Variants in CAST observed in about 807,000 individuals in gnomAD.
CAST encodes MIR583 host.
In CAST, 76 loss-of-function variants were observed where a neutral mutation model predicts 119.6. The ratio of observed to expected loss-of-function variants is 0.64; its 90% CI spans 0.53 to 0.77. CAST has a LOEUF of 0.77. Among genes scored for constraint, CAST ranks in the 30% least tolerant of loss-of-function variants. The pLI, the probability that CAST is intolerant of heterozygous loss-of-function variation, is 0.00. For missense variants in CAST, 953 were observed against 946.5 expected, an observed-to-expected ratio of 1.01 and a Z score of -0.09; for synonymous variants, 319 against 331.6, an observed-to-expected ratio of 0.96 and a Z score of 0.41.
the CAST span, among the ~76,000 whole-genome samples, chr5:96,205,214 C>T: frequency 6.6e-6 from 1 of 152,094 alleles, no homozygotes; most frequent in Non-Finnish European, 1.5e-5. Flanking sequence ...TTTTCAGCCT[C>T]TTTATGGTCT....
chr5:96,602,293 T>C (rs1282555369), intron 1 of CAST, among the ~76,000 whole-genome samples: 3 of 152,322 alleles, frequency 2.0e-5, no homozygotes, highest in African/African-American at 7.2e-5. Context: ...AATTTAACAT[T>C]TCACAAACCT....
chr5:96,559,726 C>T (rs1000711018), intron 1 of CAST, among the ~76,000 whole-genome samples: 2 of 152,184 alleles, frequency 1.3e-5, no homozygotes. Flanking sequence ...AATGGAAGAA[C>T]ATTCCATGCT....
the CAST span, among the ~76,000 whole-genome samples, chr5:96,214,400 A>C: frequency 6.6e-6 from 1 of 152,164 alleles, no homozygotes; most frequent in Admixed American, 6.6e-5. Context: ...AGCTCTGGAA[A>C]CTTTGTGAAA....
At chr5:96,640,497 G>A (rs1747936609) in intron 1 of CAST, among the ~76,000 whole-genome samples, 1 of 152,122 alleles carries the variant, frequency 6.6e-6, no homozygotes, top group South Asian at 2.1e-4. Context: ...ATATCATCAG[G>A]CCTTGTTCTT....
chr5:96,595,658 A>G (rs1216086777), intron 1 of CAST, among the ~76,000 whole-genome samples: 2 of 152,348 alleles, frequency 1.3e-5, no homozygotes, highest in Non-Finnish European at 2.9e-5. Context: ...CCTGAAATGG[A>G]TAGGGAGAAT....
At chr5:96,534,824 A>G (rs1305608510) in intron 1 of CAST, among the ~76,000 whole-genome samples, 2 of 146,088 alleles carry the variant, frequency 1.4e-5, no homozygotes, top group African/African-American at 2.6e-5. Context: ...AAGAAAGAAA[A>G]GAAAGAAGGA....
chr5:96,547,462 CCTT>C (rs781631413), intron 1 of CAST, among the ~76,000 whole-genome samples: 2 of 152,176 alleles, frequency 1.3e-5, no homozygotes, highest in African/African-American at 4.8e-5. Flanking sequence ...AAGAATTCAC[CCTT>C]CTTCTGCCTT....
chr5:96,095,968 A>G, the CAST span, among the ~76,000 whole-genome samples: 4 of 152,172 alleles, frequency 2.6e-5, no homozygotes, highest in Non-Finnish European at 5.9e-5. Context: ...TTTGGCCAAA[A>G]TATAGCCAGT....
intron 1 of CAST, among the ~76,000 whole-genome samples, chr5:96,654,510 T>G (rs955350827): frequency 1.4e-4 from 21 of 152,200 alleles, no homozygotes; most frequent in Non-Finnish European, 2.6e-4. Flanking sequence ...CACTCTCTTT[T>G]TCTCCGATGT....
chr5:96,285,686 A>G, the CAST span, among the ~76,000 whole-genome samples: 2 of 152,118 alleles, frequency 1.3e-5, no homozygotes, highest in Admixed American at 1.3e-4. Context: ...TTGTCTGTGG[A>G]AAGTTCTTTC....
chr5:96,598,007 A>G (rs894351542), intron 1 of CAST, among the ~76,000 whole-genome samples: 4 of 151,760 alleles, frequency 2.6e-5, no homozygotes, highest in African/African-American at 9.7e-5. Flanking sequence ...CTCTATCTCT[A>G]CCTCCCCACA....
chr5:96,282,103 A>T, the CAST span, among the ~76,000 whole-genome samples: 1 of 148,726 alleles, frequency 6.7e-6, no homozygotes, highest in Non-Finnish European at 1.5e-5. Context: ...ATGAGGGTAG[A>T]GCCGGAAAGG....
At chr5:96,526,186 T>C, upstream of CAST, among the ~76,000 whole-genome samples, 1 of 152,178 alleles carries the variant, frequency 6.6e-6, no homozygotes, top group Non-Finnish European at 1.5e-5. Context: ...AGAAAAATAA[T>C]TTTAATTTTG....
intron 2 of CAST, among the ~76,000 whole-genome samples, chr5:96,676,913 G>A (rs946263274): frequency 1.3e-5 from 2 of 151,568 alleles, no homozygotes; most frequent in African/African-American, 4.8e-5. Flanking sequence ...AATTATCTGG[G>A]CGTGGTGGTG....
chr5:96,763,105 A>C (rs1768569263), intron 25 of CAST: 5 of 777,478 alleles, frequency 6.4e-6, no homozygotes, highest in Non-Finnish European at 1.2e-5. Flanking sequence ...CTAGATGGAG[A>C]TGAAGTAACT....
chr5:96,221,135 C>T, the CAST span, among the ~76,000 whole-genome samples: 1 of 151,948 alleles, frequency 6.6e-6, no homozygotes, highest in African/African-American at 2.4e-5. Context: ...ATCTCTGGTA[C>T]CTAGAAATGT....
At chr5:96,436,979 A>G in the CAST span, among the ~76,000 whole-genome samples, 10 of 152,360 alleles carry the variant, frequency 6.6e-5, no homozygotes, top group Admixed American at 1.3e-4. Context: ...TGCTTGCAGC[A>G]GGTTGCTGAA....
the CAST span, among the ~76,000 whole-genome samples, chr5:96,387,160 C>T: frequency 6.6e-6 from 1 of 152,164 alleles, no homozygotes; most frequent in African/African-American, 2.4e-5. Context: ...GATTCAGATT[C>T]ATTTGTGGCT....
At chr5:96,187,468 G>C in the CAST span, among the ~76,000 whole-genome samples, 10 of 151,990 alleles carry the variant, frequency 6.6e-5, no homozygotes, top group African/African-American at 2.4e-4. Flanking sequence ...CTAGCTTTTT[G>C]ATGTGGGCAT....
Sources: allele counts gnomAD v4.1 joint callset (sites outside exome capture counted in the v4.1 genomes callset), GRCh38; gene constraint gnomAD v4.1.1; transcripts MANE v1.5; gene names NCBI Gene and HGNC (gene_info 2026-07-23, HGNC 2026-07-21).